The following PDE11A variants were observed in gnomAD, a reference collection of about 807,000 sequenced individuals.
PDE11A encodes the protein dual 3',5'-cyclic-AMP and -GMP phosphodiesterase 11A.
In PDE11A, 100 loss-of-function variants were observed where a neutral mutation model predicts 100.5. The observed-to-expected ratio is 1.00, with a 90% CI of 0.85 to 1.18. The LOEUF is 1.18. PDE11A is among the 50% of genes most tolerant of loss of function. The pLI, the probability that PDE11A is intolerant of heterozygous loss-of-function variation, is 0.00. For missense variants in PDE11A, 1,141 were observed against 1,152.6 expected, an observed-to-expected ratio of 0.99 and a Z score of 0.15; for synonymous variants, 381 against 420.8, an observed-to-expected ratio of 0.91 and a Z score of 1.16.
chr2:178,086,561 G>C (rs774862521), intron 2 of PDE11A, among the ~76,000 whole-genome samples: 3 of 152,118 alleles, frequency 2.0e-5, no homozygotes, highest in Non-Finnish European at 4.4e-5. Context: ...GCAATTTATA[G>C]AGCCATGATT....
At chr2:177,660,653 G>A (rs1486384820) in intron 19 of PDE11A, among the ~76,000 whole-genome samples, 1 of 151,928 alleles carries the variant, frequency 6.6e-6, no homozygotes, top group Admixed American at 6.6e-5. Flanking sequence ...AAATGCACTG[G>A]GCATCCAAAA....
intron 19 of PDE11A, among the ~76,000 whole-genome samples, chr2:177,641,944 C>T (rs1463985002): frequency 2.6e-5 from 4 of 152,158 alleles, no homozygotes; most frequent in African/African-American, 9.7e-5. Context: ...TGTGCATTAT[C>T]AACCCGTTTT....
intron 1 of PDE11A, among the ~76,000 whole-genome samples, chr2:178,033,135 G>T (rs1230459574): frequency 6.6e-6 from 1 of 152,138 alleles, no homozygotes; most frequent in East Asian, 1.9e-4. Context: ...CTAATGCAAG[G>T]AAGCTAAGAA....
At chr2:177,825,810 T>C (rs1439641253) in intron 6 of PDE11A, among the ~76,000 whole-genome samples, 1 of 152,182 alleles carries the variant, frequency 6.6e-6, no homozygotes, top group Non-Finnish European at 1.5e-5. Flanking sequence ...ATTTTATCAT[T>C]AATATTTATC....
At chr2:178,025,446 T>C (rs1018750556) in intron 1 of PDE11A, among the ~76,000 whole-genome samples, 3 of 152,220 alleles carry the variant, frequency 2.0e-5, no homozygotes, top group Admixed American at 1.3e-4. Flanking sequence ...AAGTAAACTT[T>C]GTTTGCTGAT....
chr2:177,945,275 C>T (rs934339982), intron 2 of PDE11A, among the ~76,000 whole-genome samples: 1 of 150,368 alleles, frequency 6.7e-6, no homozygotes, highest in Non-Finnish European at 1.5e-5. Context: ...CTCTGCCTGG[C>T]CGCCCATCGT....
At chr2:177,637,160 G>A (rs763232136) in intron 19 of PDE11A, among the ~76,000 whole-genome samples, 9 of 152,214 alleles carry the variant, frequency 5.9e-5, no homozygotes, top group Non-Finnish European at 1.2e-4. Flanking sequence ...GCAGTCCCAC[G>A]AAGTAGGTAC....
intron 12 of PDE11A, among the ~76,000 whole-genome samples, chr2:177,716,800 A>G (rs1238231160): frequency 1.3e-5 from 2 of 152,238 alleles, no homozygotes; most frequent in Non-Finnish European, 2.9e-5. Context: ...ATGTTAAAAT[A>G]AGGTAATTTG....
intron 1 of PDE11A, among the ~76,000 whole-genome samples, chr2:178,053,132 T>C (rs2086850346): frequency 2.0e-5 from 3 of 152,076 alleles, no homozygotes; most frequent in Non-Finnish European, 1.5e-5. Context: ...ACTGGCAAAC[T>C]GAATCCAGCA....
intron 3 of PDE11A, chr2:177,899,545 G>T: frequency 3.1e-6 from 1 of 318,956 alleles, no homozygotes; most frequent in South Asian, 2.9e-5. Flanking sequence ...ACAGGTTCTT[G>T]GTCAAACTTG....
At chr2:177,834,276 A>T (rs1440070708) in intron 6 of PDE11A, among the ~76,000 whole-genome samples, 1 of 152,026 alleles carries the variant, frequency 6.6e-6, no homozygotes, top group East Asian at 1.9e-4. Flanking sequence ...AGACCCAAAC[A>T]TCTCTCTCAC....
intron 2 of PDE11A, among the ~76,000 whole-genome samples, chr2:177,980,167 C>T (rs941220059): frequency 6.7e-6 from 1 of 149,408 alleles, no homozygotes; most frequent in African/African-American, 2.4e-5. Flanking sequence ...AAAAAAAAAA[C>T]GAAGAATACC....
At chr2:177,864,213 AG>A (rs1207673730) in intron 5 of PDE11A, among the ~76,000 whole-genome samples, 1 of 152,138 alleles carries the variant, frequency 6.6e-6, no homozygotes, top group East Asian at 1.9e-4. Flanking sequence ...GGAAGAAAAT[AG>A]GGAGATGTAG....
At chr2:177,790,113 G>A (rs1574144764) in intron 9 of PDE11A, among the ~76,000 whole-genome samples, 1 of 151,410 alleles carries the variant, frequency 6.6e-6, no homozygotes, top group South Asian at 2.1e-4. Context: ...AAAGTTGGAG[G>A]CATCACACTA....
chr2:177,843,910 G>A (rs931783626), intron 5 of PDE11A, among the ~76,000 whole-genome samples: 2 of 152,182 alleles, frequency 1.3e-5, no homozygotes, highest in South Asian at 4.1e-4. Context: ...AATGACTTCA[G>A]GTGTTGTAAT....
chr2:177,954,135 T>C (rs1049686356), intron 2 of PDE11A, among the ~76,000 whole-genome samples: 1 of 151,866 alleles, frequency 6.6e-6, no homozygotes, highest in Non-Finnish European at 1.5e-5. Context: ...TTATGTGTTC[T>C]GGTCTATAAT....
chr2:177,952,891 G>A (rs551255930), intron 2 of PDE11A, among the ~76,000 whole-genome samples: 6 of 152,236 alleles, frequency 3.9e-5, no homozygotes, highest in Non-Finnish European at 8.8e-5. Context: ...TTCCTGGAAT[G>A]CCTAACACAG....
chr2:177,855,188 T>G (rs2083809856), intron 5 of PDE11A, among the ~76,000 whole-genome samples: 1 of 152,092 alleles, frequency 6.6e-6, no homozygotes, highest in Non-Finnish European at 1.5e-5. Flanking sequence ...TATGAAATAT[T>G]CATTATATAC....
intron 2 of PDE11A, among the ~76,000 whole-genome samples, chr2:177,989,065 C>A (rs113330457): frequency 1.8e-4 from 28 of 152,350 alleles, no homozygotes; most frequent in African/African-American, 6.3e-4. Context: ...GATCCACATA[C>A]ACATGCTCAA....
Sources: allele counts gnomAD v4.1 joint callset (sites outside exome capture counted in the v4.1 genomes callset), GRCh38; gene constraint gnomAD v4.1.1; transcripts MANE v1.5; gene names NCBI Gene and HGNC (gene_info 2026-07-23, HGNC 2026-07-21).